Variants in SYT3 observed in about 807,000 individuals in gnomAD.
SYT3 encodes the protein synaptotagmin 3.
Under a neutral mutation model 50.6 loss-of-function variants are expected in SYT3, and 25 were observed. That is an observed-to-expected ratio of 0.49 (90% confidence interval 0.36 to 0.69). SYT3 has a LOEUF of 0.69. Ranked by LOEUF, SYT3 falls within the 30% of genes least tolerant of loss-of-function variation. The pLI, the probability that SYT3 is intolerant of heterozygous loss-of-function variation, is 0.00. For synonymous variants in SYT3, 323 were observed against 353.9 expected (o/e 0.91, Z 0.98); for missense variants, 589 against 793.6 (o/e 0.74, Z 3.10).
chr19:50,650,389 G>A, the SYT3 span, among the ~76,000 whole-genome samples: 4 of 152,232 alleles, frequency 2.6e-5, no homozygotes, highest in Non-Finnish European at 5.9e-5. Flanking sequence ...CCAAACTCAG[G>A]ACTGGGTGTG....
At chr19:50,654,550 G>A in the SYT3 span, among the ~76,000 whole-genome samples, 1 of 151,870 alleles carries the variant, frequency 6.6e-6, no homozygotes, top group African/African-American at 2.4e-5. Context: ...GCCCGCTTCA[G>A]CCTCCCAAAG....
the SYT3 span, among the ~76,000 whole-genome samples, chr19:50,650,672 A>G: frequency 6.6e-6 from 1 of 152,326 alleles, no homozygotes; most frequent in South Asian, 2.1e-4. Context: ...CTCTGTCTCA[A>G]AAAACAAAAC....
At position 50,634,572 on chromosome 19, in the gene SYT3, C is replaced by CT. The variant is rs3028785; in HGVS notation, c.149-1762dup. 4.7e-4 allele frequency among the ~76,000 whole-genome samples: 35 copies of CT among 74,242 alleles called. 2 individuals carry two copies. The East Asian group carries it at 0.01, about 22-fold the overall frequency. The allele number at this position is 74,242 out of a possible 152,430, so 48.7% of individuals were successfully genotyped here. The stretch of plus-strand genomic sequence containing the variant: ...TCCTTCCCCCCTCCCTCTTGGGGTG[C>CT]TTTTTTTTTTTTTTTTTTTTTTTTT... On this transcript the variant is annotated intron_variant, in intron 3 of 10. Transcript: ENST00000600079.
chr19:50,632,350 T>C lies in SYT3; in HGVS notation c.610A>G (p.Ser204Gly), dbSNP rs756275781. The stretch of plus-strand genomic sequence containing the variant: ...TGGGCACTGGGCAAGCCCCCACCAC[T>C]GGGGGGCAGCAGGAGCAACCCAGAG... Reference protein sequence around the residue: ...AGSGLLLLPPSGGGLPSAQSH... With the variant: ...AGSGLLLLPPGGGGLPSAQSH... The change falls in exon 4 of 11, where the codon AGT becomes GGT. Residue 204 changes from serine to glycine, a missense_variant. Physicochemically the swap from Ser to Gly is moderately conservative, Grantham distance 56 (BLOSUM62 0). This residue lies in a region of SYT3 where 316 missense variants were observed against 354.3 expected (regional missense o/e 0.89). Transcript: ENST00000600079. This position sits in a 1 kb window ranked among gnomAD's most constrained non-coding sequence, Gnocchi z 4.7. 1.9e-6 allele frequency: 3 copies of C among 1,608,390 alleles called. No homozygotes were observed.
At chr19:50,631,147 TTTTTC>T (rs749124594) in intron 4 of SYT3, among the ~76,000 whole-genome samples, 61 of 133,010 alleles carry the variant, frequency 4.6e-4, no homozygotes, top group Admixed American at 1.7e-3. Context: ...TGAAGTTTTC[TTTTTC>T]TTTTTTCTTT....
At chr19:50,652,521 C>T in the SYT3 span, among the ~76,000 whole-genome samples, 3 of 152,110 alleles carry the variant, frequency 2.0e-5, no homozygotes, top group African/African-American at 4.8e-5. Context: ...GAGAGATCCA[C>T]GCAGAGTTAC....
the SYT3 span, chr19:50,658,091 A>T: frequency 2.0e-6 from 3 of 1,535,680 alleles, no homozygotes; most frequent in African/African-American, 2.7e-5. Context: ...CTTTGAGAAC[A>T]TGAACGTCAT....
At chr19:50,656,088 C>T in the SYT3 span, 3 of 1,536,168 alleles carry the variant, frequency 2.0e-6, no homozygotes, top group South Asian at 2.4e-5. Flanking sequence ...AGAGGAGATG[C>T]AGGCTCGGAG....
the SYT3 span, among the ~76,000 whole-genome samples, chr19:50,647,568 T>C: frequency 2.0e-5 from 3 of 151,334 alleles, no homozygotes; most frequent in African/African-American, 7.3e-5. Context: ...TGGTCCCCAT[T>C]ACTCGGGAGA....
At chr19:50,642,839 A>G (rs534303210), upstream of SYT3, among the ~76,000 whole-genome samples, 16 of 152,368 alleles carry the variant, frequency 1.1e-4, no homozygotes, top group Admixed American at 2.6e-4. Flanking sequence ...TGTCTCAAAA[A>G]AAAGAAAGAA....
intron 6 of SYT3, among the ~76,000 whole-genome samples, chr19:50,628,582 G>C (rs1319105818): frequency 6.6e-6 from 1 of 152,050 alleles, no homozygotes; most frequent in Non-Finnish European, 1.5e-5. Flanking sequence ...ATTAGAGAGG[G>C]ATTGGGGCTT....
chr19:50,623,259 G>A (rs554978837), intron 9 of SYT3, among the ~76,000 whole-genome samples: 50 of 152,214 alleles, frequency 3.3e-4, no homozygotes, highest in Admixed American at 2.6e-4. Flanking sequence ...GGATGAATGA[G>A]TGAATGACAG....
the SYT3 span, chr19:50,657,890 T>C: frequency 1.4e-6 from 2 of 1,406,768 alleles, no homozygotes; most frequent in East Asian, 5.1e-5. Flanking sequence ...CACCTGGAAC[T>C]CTGTGGCAGG....
chr19:50,627,374 C>G lies in SYT3; in HGVS notation c.1282-1357G>C, dbSNP rs73592634. ...CCCGACCATCTAGACCTGGAGCTGC[C>G]GAGGGCTGCCTGGGGTCCCCAGGCC... On this transcript the variant is annotated intron_variant, in intron 6 of 10. Coordinates refer to ENST00000600079, the MANE Select transcript of SYT3 (RefSeq NM_001160329.2). Among the ~76,000 whole-genome samples the G allele has an allele frequency of 2.1e-3, 324 of 152,268 alleles. 1 individual carries two copies. Among genetic ancestry groups the G allele is most frequent in the African/African-American group, 6.7e-3 (280 of 41,558 alleles).
chr19:50,636,551 C>T (rs1172490411), intron 3 of SYT3, among the ~76,000 whole-genome samples: 1 of 152,214 alleles, frequency 6.6e-6, no homozygotes, highest in African/African-American at 2.4e-5. Flanking sequence ...GCACATGCTT[C>T]CTCTGGTCAC....
chr19:50,655,521 T>C, the SYT3 span, among the ~76,000 whole-genome samples: 98 of 151,958 alleles, frequency 6.4e-4, no homozygotes, highest in East Asian at 9.9e-3. Context: ...TGGTAGCGGG[T>C]GCCTGTAGTC....
rs754150487 is a variant in SYT3 at position 50,632,502 on chromosome 19, C to G, written c.458G>C (p.Gly153Ala). 12 of 1,611,180 alleles carry G rather than the reference C, an allele frequency of 7.4e-6. No individual in the cohort carries two copies. Among genetic ancestry groups the G allele is most frequent in the African/African-American group, 4.0e-5 (3 of 75,002 alleles). The change falls in exon 4 of 11, where the codon GGT becomes GCT. Residue 153 changes from glycine to alanine, a missense_variant. Around this residue, in one of 2 missense-constraint regions of SYT3, gnomAD observed 316 missense variants for 354.3 expected, o/e 0.89. Transcript: ENST00000600079. This position sits in a 1 kb window ranked among gnomAD's most constrained non-coding sequence, Gnocchi z 4.7. Reference protein sequence around the residue: ...AELLEPGSLGGSDTPEPSYLD... With the variant: ...AELLEPGSLGASDTPEPSYLD... ...GTAGGAGGGCTCAGGGGTGTCAGAA[C>G]CCCCCAGGCTGCCTGGCTCCAGCAG...
Position 50,629,917 on chromosome 19 carries a change from A to C in SYT3, c.929T>G (p.Leu310Arg). 1 of 1,614,002 alleles carries C rather than the reference A, an allele frequency of 6.2e-7. No individual in the cohort carries two copies. The highest frequency in any genetic ancestry group is 8.5e-7 in the Non-Finnish European group (1 of 1,179,972). The change falls in exon 5 of 11, where the codon CTC (leucine) becomes CGC (arginine). Residue 310 changes from leucine (L) to arginine (R), a missense_variant. Transcript: ENST00000600079. ...CGRISFALRY[L>R]YGSDQLVVRI... Reference sequence around the variant, plus strand: ...CACCACCAGCTGGTCCGAGCCATAGAGGTACCGCAGGGCGAAGCTGATACG... The same window carrying C: ...CACCACCAGCTGGTCCGAGCCATAGCGGTACCGCAGGGCGAAGCTGATACG...
intron 6 of SYT3, chr19:50,626,226 A>G: frequency 1.6e-6 from 1 of 642,812 alleles, no homozygotes; most frequent in Admixed American, 3.2e-5. Flanking sequence ...GTTCTGCAGG[A>G]AAGATTGGAA....
Sources: allele counts gnomAD v4.1 joint callset (sites outside exome capture counted in the v4.1 genomes callset), GRCh38; gene constraint gnomAD v4.1.1; regional missense constraint gnomAD v4.1.1; non-coding constraint Gnocchi (gnomAD v3.1); transcripts MANE v1.5; gene names NCBI Gene and HGNC (gene_info 2026-07-23, HGNC 2026-07-21).